CDH12: variants seen among roughly 807,000 people sequenced by gnomAD.
CDH12 encodes the protein cadherin-12.
A neutral mutation model predicts 74.1 loss-of-function variants in CDH12; 41 were observed. That is an observed-to-expected ratio of 0.55 (90% CI 0.43 to 0.72). The LOEUF is 0.72. Ranked by LOEUF, CDH12 falls within the 30% of genes least tolerant of loss-of-function variation. The pLI, the probability that CDH12 is intolerant of heterozygous loss-of-function variation, is 0.00. For missense variants in CDH12, 945 were observed against 977.2 expected, an observed-to-expected ratio of 0.97 and a Z score of 0.44; for synonymous variants, 399 against 355.0, an observed-to-expected ratio of 1.12 and a Z score of -1.39.
At chr5:21,992,310 A>C (rs2150136439) in intron 5 of CDH12, among the ~76,000 whole-genome samples, 1 of 152,300 alleles carries the variant, frequency 6.6e-6, no homozygotes, top group South Asian at 2.1e-4. Context: ...GCAAGTATAT[A>C]CTATTGAATG....
intron 6 of CDH12, among the ~76,000 whole-genome samples, chr5:21,880,683 C>A (rs531926850): frequency 9.3e-6 from 1 of 107,776 alleles, no homozygotes; most frequent in African/African-American, 3.3e-5. Flanking sequence ...TTCTTTCTTT[C>A]TTTCTTTCTC....
At chr5:22,546,511 C>T (rs1260898907) in intron 1 of CDH12, among the ~76,000 whole-genome samples, 1 of 152,110 alleles carries the variant, frequency 6.6e-6, no homozygotes, top group African/African-American at 2.4e-5. Flanking sequence ...TAATGTTAGG[C>T]AATCCCCTCT....
chr5:22,225,097 G>A (rs1008489257), intron 3 of CDH12, among the ~76,000 whole-genome samples: 3 of 151,694 alleles, frequency 2.0e-5, no homozygotes, highest in African/African-American at 7.3e-5. Context: ...TCCAAAAATC[G>A]ACCAAAGCCA....
At chr5:22,288,861 G>T (rs1018766699) in intron 3 of CDH12, among the ~76,000 whole-genome samples, 2 of 152,076 alleles carry the variant, frequency 1.3e-5, no homozygotes, top group Admixed American at 1.3e-4. Context: ...TAAATTCATA[G>T]CGTGCAGAGT....
intron 5 of CDH12, among the ~76,000 whole-genome samples, chr5:22,026,933 A>G (rs993331803): frequency 5.3e-5 from 8 of 152,286 alleles, no homozygotes; most frequent in Admixed American, 2.6e-4. Context: ...CCCATTCAGT[A>G]TGATATTGGC....
intron 1 of CDH12, among the ~76,000 whole-genome samples, chr5:22,718,030 A>G (rs1334457943): frequency 6.6e-6 from 1 of 152,144 alleles, no homozygotes; most frequent in African/African-American, 2.4e-5. Flanking sequence ...ATGCTTTCAT[A>G]TTCTGTGTGC....
intron 3 of CDH12, among the ~76,000 whole-genome samples, chr5:22,350,153 A>G (rs1740299468): frequency 6.6e-6 from 1 of 152,224 alleles, no homozygotes; most frequent in African/African-American, 2.4e-5. Context: ...GAAAAGACTA[A>G]GCTCTATGAT....
intron 1 of CDH12, among the ~76,000 whole-genome samples, chr5:22,717,987 T>A (rs1370147012): frequency 6.6e-6 from 1 of 152,228 alleles, no homozygotes. Flanking sequence ...GGCCTGTGTG[T>A]TTAATTTGTA....
intron 1 of CDH12, among the ~76,000 whole-genome samples, chr5:22,830,345 A>G (rs1049158344): frequency 6.6e-6 from 1 of 152,168 alleles, no homozygotes; most frequent in African/African-American, 2.4e-5. Context: ...CAATTTATGT[A>G]TGTATACATG....
chr5:21,953,921 AGACTAT>A (rs1315837092), intron 6 of CDH12, among the ~76,000 whole-genome samples: 1 of 152,156 alleles, frequency 6.6e-6, no homozygotes, highest in Non-Finnish European at 1.5e-5. Flanking sequence ...GATGTCTCTC[AGACTAT>A]ATCTATGAAA....
chr5:22,313,105 A>G (rs1220533194), intron 3 of CDH12, among the ~76,000 whole-genome samples: 2 of 152,138 alleles, frequency 1.3e-5, no homozygotes, highest in African/African-American at 2.4e-5. Flanking sequence ...AAAACAAAAC[A>G]GTTTGCAGAC....
chr5:22,035,660 G>GA lies in CDH12; in HGVS notation c.231+42785dup, dbSNP rs556682711. Among the ~76,000 whole-genome samples, 21 of 148,544 alleles carry GA rather than the reference G, an allele frequency of 1.4e-4. 2 individuals are homozygous for GA. The South Asian group carries it at 2.6e-3, about 18-fold the overall frequency. On this transcript the variant is annotated intron_variant, in intron 5 of 14. Transcript: ENST00000382254. ...CAATTTAGAATGTAATATTGGTGAA[G>GA]AAAAAAAACTTTTATGAAGAGGTTT...
intron 5 of CDH12, among the ~76,000 whole-genome samples, chr5:21,991,095 T>C (rs1008201672): frequency 6.6e-6 from 1 of 151,782 alleles, no homozygotes; most frequent in Non-Finnish European, 1.5e-5. Flanking sequence ...AATGCATTAA[T>C]AACAATAGTA....
At chr5:22,498,865 T>C (rs949482991) in intron 2 of CDH12, among the ~76,000 whole-genome samples, 1 of 150,094 alleles carries the variant, frequency 6.7e-6, no homozygotes, top group Non-Finnish European at 1.5e-5. Flanking sequence ...TAGACATAGA[T>C]ACAAATAGTG....
chr5:22,242,074 C>T (rs1185767872), intron 3 of CDH12, among the ~76,000 whole-genome samples: 1 of 152,100 alleles, frequency 6.6e-6, no homozygotes, highest in African/African-American at 2.4e-5. Flanking sequence ...AGTAACAACA[C>T]TGACCTTCAT....
chr5:22,575,973 C>A (rs1308223474), intron 1 of CDH12, among the ~76,000 whole-genome samples: 6 of 152,062 alleles, frequency 3.9e-5, no homozygotes, highest in African/African-American at 1.4e-4. Context: ...ATCCTCCCAC[C>A]TCAGCCTCCC....
chr5:21,833,996 T>G (rs988534543), intron 8 of CDH12, among the ~76,000 whole-genome samples: 2 of 151,934 alleles, frequency 1.3e-5, no homozygotes, highest in Non-Finnish European at 2.9e-5. Context: ...TTATTCTACT[T>G]AGAAAAAAGC....
intron 1 of CDH12, among the ~76,000 whole-genome samples, chr5:22,786,189 T>C (rs1747615116): frequency 6.6e-6 from 1 of 152,192 alleles, no homozygotes; most frequent in South Asian, 2.1e-4. Context: ...CTGGAGGACA[T>C]GATCCTTAGC....
At chr5:22,831,467 A>G (rs1581044016) in intron 1 of CDH12, among the ~76,000 whole-genome samples, 1 of 151,890 alleles carries the variant, frequency 6.6e-6, no homozygotes, top group East Asian at 1.9e-4. Flanking sequence ...TAAACTTTAT[A>G]GGAAGTAAAT....
Sources: gnomAD v4.1 joint callset for allele counts (sites outside exome capture counted in the v4.1 genomes callset) on GRCh38, gnomAD v4.1.1 for gene constraint, MANE v1.5 for transcripts, NCBI Gene and HGNC (gene_info 2026-07-23, HGNC 2026-07-21) for gene names.